The following DIDO1 variants were observed in gnomAD, a reference collection of about 807,000 sequenced individuals.
DIDO1 encodes death-inducer obliterator 1.
A neutral mutation model predicts 99.4 loss-of-function variants in DIDO1; 16 were observed. That is an observed-to-expected ratio of 0.16 (90% CI 0.11 to 0.24). The LOEUF (loss-of-function observed/expected upper bound fraction) is 0.24, where lower values mean the gene tolerates loss of function less well. Ranked by LOEUF, DIDO1 falls within the 10% of genes least tolerant of loss-of-function variation. DIDO1 has a pLI of 1.00. For missense variants in DIDO1, 2,996 were observed against 3,014.0 expected (o/e 0.99, Z 0.14); for synonymous variants, 1,366 against 1,239.1 (o/e 1.10, Z -2.15).
intron 6 of DIDO1, among the ~76,000 whole-genome samples, chr20:62,898,379 C>A (rs959481047): frequency 6.6e-6 from 1 of 152,210 alleles, no homozygotes; most frequent in Non-Finnish European, 1.5e-5. Context: ...CCCAACTTCC[C>A]AGATAAGTAC....
intron 5 of DIDO1, 88 bp downstream of exon 5, chr20:62,907,059 C>T (rs746917043): frequency 1.6e-5 from 22 of 1,411,432 alleles, no homozygotes; most frequent in Non-Finnish European, 2.0e-5. Context: ...CCTGCCACCC[C>T]CACACGGTCT....
intron 4 of DIDO1, 126 bp from the exon 5 acceptor site, chr20:62,907,485 T>C: frequency 2.3e-6 from 2 of 882,236 alleles, no homozygotes; most frequent in Non-Finnish European, 3.4e-6. Flanking sequence ...CTAACAGTAC[T>C]TTTAATATGA....
At position 62,892,951 on chromosome 20, in the gene DIDO1, G is replaced by A; in HGVS notation, c.3113C>T (p.Ser1038Leu). 6.2e-7 allele frequency: 1 copy of A among 1,611,698 alleles called. No homozygotes were observed. Among genetic ancestry groups the A allele is most frequent in the Non-Finnish European group, 8.5e-7 (1 of 1,178,442 alleles). Residue 1038 changes from serine to leucine, a missense_variant, in exon 13 of 16, where the codon TCA (serine) becomes TTA (leucine). Ser to Leu is a moderately radical substitution (Grantham distance 145). Transcript: ENST00000395343. ...CGTGTCTCCCTCTGGAGGGGAACGTGATTCTGAAGTGCTGTAAAACAAAAC... is the reference window on the plus strand; with the variant it reads ...CGTGTCTCCCTCTGGAGGGGAACGTAATTCTGAAGTGCTGTAAAACAAAAC... Reference protein sequence around the residue: ...PPSPNISTSESRSPPEGDTTL... With the variant: ...PPSPNISTSELRSPPEGDTTL...
chr20:62,900,710 GAC>G (rs1206099290), intron 6 of DIDO1, among the ~76,000 whole-genome samples: 1 of 152,242 alleles, frequency 6.6e-6, no homozygotes, highest in African/African-American at 2.4e-5. Context: ...CGTAGGTGTT[GAC>G]AATGAAGTGG....
intron 6 of DIDO1, among the ~76,000 whole-genome samples, chr20:62,904,779 T>TAAA (rs2064761581): frequency 4.2e-5 from 1 of 24,024 alleles, no homozygotes; most frequent in African/African-American, 3.5e-4. Context: ...GACTCTTGTC[T>TAAA]CAAAAAAAAA....
chr20:62,887,269 T>C, intron 15 of DIDO1: 1 of 985,482 alleles, frequency 1.0e-6, no homozygotes, highest in Non-Finnish European at 1.2e-6. Flanking sequence ...TTCCATTCAA[T>C]ACTGTATTTG....
At chr20:62,930,502 A>G (rs754968847), upstream of DIDO1, among the ~76,000 whole-genome samples, 3 of 152,250 alleles carry the variant, frequency 2.0e-5, no homozygotes, top group Admixed American at 6.5e-5. Flanking sequence ...GACCTCTAGA[A>G]AGCTGTGGGA....
chr20:62,895,289 T>C, intron 8 of DIDO1, 124 bp from the exon 9 acceptor site: 2 of 846,886 alleles, frequency 2.4e-6, no homozygotes, highest in Non-Finnish European at 3.8e-6. Flanking sequence ...CAGGGCCCAC[T>C]TGCGTGTGGC....
At chr20:62,899,959 T>A (rs533692641) in intron 6 of DIDO1, among the ~76,000 whole-genome samples, 47 of 152,360 alleles carry the variant, frequency 3.1e-4, no homozygotes, top group Non-Finnish European at 5.9e-4. Context: ...GGAGCTAAAA[T>A]TCAATTTGCA....
chr20:62,893,650 C>T lies in DIDO1; in HGVS notation c.3101+16G>A. 6.3e-7 allele frequency: 1 copy of T among 1,582,664 alleles called. No homozygotes were observed. The highest frequency in any genetic ancestry group is 8.6e-7 in the Non-Finnish European group (1 of 1,157,418). ...AAAAAAGTTTGGCTTGTTCAGACCA[C>T]ACCTGAAGTACGCACCTGATATTTG... On this transcript the variant is annotated intron_variant, in intron 12 of 15. Transcript: ENST00000395343.
At chr20:62,891,216 A>G (rs1600928774) in intron 14 of DIDO1, 61 bp from the exon 15 acceptor site, 7 of 1,605,346 alleles carry the variant, frequency 4.4e-6, no homozygotes, top group East Asian at 4.5e-5. Context: ...CACACGCCCA[A>G]TTCACATCCT....
intron 1 of DIDO1, among the ~76,000 whole-genome samples, chr20:62,914,887 CAAG>C (rs1747588961): frequency 6.6e-6 from 1 of 152,114 alleles, no homozygotes; most frequent in Admixed American, 6.5e-5. Context: ...TAATTAAAAA[CAAG>C]AAAAATTTTA....
In DIDO1 at chr20:62,881,647, C is replaced by T. The variant is rs1440857033; in HGVS notation, c.4309G>A (p.Ala1437Thr). 3.7e-6 allele frequency: 6 copies of T among 1,612,766 alleles called. No individual in the cohort carries two copies. The highest frequency in any genetic ancestry group is 5.1e-6 in the Non-Finnish European group (6 of 1,180,020). Residue 1437 changes from alanine to threonine, a missense_variant, in exon 16 of 16, where the codon GCG becomes ACG. Transcript: ENST00000395343. This position sits in a 1 kb window ranked among gnomAD's most constrained non-coding sequence, Gnocchi z 8.3. ...DPEDETILEE[A>T]KVTVDDLPNR... ...GGCAGGTCATCAACAGTCACTTTCG[C>T]TTCTTCTAAGATGGTCTCATCCTCG... is the stretch of plus-strand genomic sequence containing the variant.
At position 62,894,268 on chromosome 20, in the gene DIDO1, A is replaced by C. The variant is rs2064466376; in HGVS notation, c.2573-74T>G. 2 of 1,580,220 alleles carry C rather than the reference A, an allele frequency of 1.3e-6. No homozygotes were observed. The highest frequency in any genetic ancestry group is 1.7e-6 in the Non-Finnish European group (2 of 1,161,856). On this transcript the variant is annotated intron_variant, in intron 11 of 15. Coordinates refer to ENST00000395343, the MANE Select transcript of DIDO1 (RefSeq NM_001193369.2). The surrounding 1 kb of genome is among the most constrained non-coding windows in gnomAD (Gnocchi z 4.4). ...GTGTTTCTCACACAAAGCCGAAAGC[A>C]ATACTCTAAAGGCAGGGCAGGAAAT...
At chr20:62,937,192 G>A (rs1236327154) in intron 1 of DIDO1, among the ~76,000 whole-genome samples, 2 of 152,250 alleles carry the variant, frequency 1.3e-5, no homozygotes, top group African/African-American at 4.8e-5. Context: ...GAAATCAGGA[G>A]CTGCCCCTCA....
chr20:62,884,410 T>C (rs2064265734), intron 15 of DIDO1, among the ~76,000 whole-genome samples: 1 of 152,150 alleles, frequency 6.6e-6, no homozygotes, highest in African/African-American at 2.4e-5. Flanking sequence ...GACGTAACAC[T>C]ATGTGAGATT....
intron 15 of DIDO1, chr20:62,889,843 T>C (rs2064362391): frequency 1.0e-6 from 1 of 985,332 alleles, no homozygotes; most frequent in Non-Finnish European, 1.2e-6. Context: ...CGCCAGCAAA[T>C]ATTTAACCCT....
intron 13 of DIDO1, 85 bp from the exon 14 acceptor site, chr20:62,892,161 C>T: frequency 9.0e-7 from 1 of 1,116,060 alleles, no homozygotes. Flanking sequence ...GCACACACTA[C>T]CCAAGATTCA....
intron 6 of DIDO1, chr20:62,905,326 T>C (rs2064776976): frequency 7.0e-7 from 1 of 1,426,404 alleles, no homozygotes; most frequent in South Asian, 1.5e-5. Context: ...GTGTAGCGTG[T>C]GAATCGGACA....
Sources: allele counts gnomAD v4.1 joint callset (sites outside exome capture counted in the v4.1 genomes callset), GRCh38; gene constraint gnomAD v4.1.1; non-coding constraint Gnocchi (gnomAD v3.1); transcripts MANE v1.5; gene names NCBI Gene and HGNC (gene_info 2026-07-23, HGNC 2026-07-21).